FOXK2: variants seen among roughly 807,000 people sequenced by gnomAD.
FOXK2 encodes forkhead box protein K2.
FOXK2 carries 24 observed loss-of-function variants against 53.3 expected under a neutral mutation model. The observed-to-expected ratio is 0.45, with a 90% CI of 0.33 to 0.63. The LOEUF is 0.63. Ranked by LOEUF, FOXK2 falls within the 30% of genes least tolerant of loss-of-function variation. FOXK2 has a pLI of 0.03. For missense variants in FOXK2, 952 were observed against 910.5 expected, an observed-to-expected ratio of 1.05 and a Z score of -0.59; for synonymous variants, 505 against 407.1, an observed-to-expected ratio of 1.24 and a Z score of -2.89.
At chr17:82,587,382 C>A (rs756345562) in intron 8 of FOXK2, 110 bp downstream of exon 8, 1 of 839,258 alleles carries the variant, frequency 1.2e-6, no homozygotes, top group Non-Finnish European at 1.9e-6. Context: ...TTGTCTGAGG[C>A]AATGTTTGCA....
chr17:82,546,466 C>T (rs1306275389), intron 1 of FOXK2, among the ~76,000 whole-genome samples: 1 of 152,096 alleles, frequency 6.6e-6, no homozygotes, highest in Non-Finnish European at 1.5e-5. Context: ...ATGTTCACCT[C>T]TCGGTGCAGC....
Position 82,587,255 on chromosome 17 carries a change from A to G in FOXK2, c.1769A>G (p.His590Arg), listed in dbSNP as rs758335910. 1 of 1,612,850 alleles carries G rather than the reference A, an allele frequency of 6.2e-7. No individual in the cohort carries two copies. ...THVASVPTAV[H>R]GQVNNAAASP... ...GTGGCATCAGTCCCCACTGCGGTCC[A>G]CGGCCAGGTGAACAATGGTAAGACA... Residue 590 changes from histidine to arginine, a missense_variant, in exon 8 of 9, where the codon CAC becomes CGC. Physicochemically the swap from His to Arg is conservative, Grantham distance 29. Around this residue, in one of 5 missense-constraint regions of FOXK2, gnomAD observed 551 missense variants for 385.1 expected, o/e 1.43. Coordinates refer to ENST00000335255, the MANE Select transcript of FOXK2 (RefSeq NM_004514.4).
intron 8 of FOXK2, among the ~76,000 whole-genome samples, chr17:82,594,700 C>G (rs538092396): frequency 6.6e-6 from 1 of 152,130 alleles, no homozygotes; most frequent in Admixed American, 6.5e-5. Flanking sequence ...TAGGCAGCAG[C>G]GGAGCCCGTC....
chr17:82,557,279 G>A (rs569866006), intron 1 of FOXK2, among the ~76,000 whole-genome samples: 37 of 151,638 alleles, frequency 2.4e-4, no homozygotes, highest in African/African-American at 8.2e-4. Flanking sequence ...TGATCCTTCC[G>A]CCTCAGCCTC....
At chr17:82,524,018 C>T (rs2044393000) in intron 1 of FOXK2, among the ~76,000 whole-genome samples, 1 of 152,090 alleles carries the variant, frequency 6.6e-6, no homozygotes, top group Admixed American at 6.6e-5. Context: ...CCTCAGACTC[C>T]CCAGTAGCTG....
chr17:82,567,617 C>A (rs888776691), intron 2 of FOXK2, among the ~76,000 whole-genome samples: 2 of 152,200 alleles, frequency 1.3e-5, no homozygotes, highest in Admixed American at 1.3e-4. Context: ...CAGACCCCTC[C>A]CCTCCCCCAC....
chr17:82,564,128 C>T (rs1248850078), intron 2 of FOXK2, among the ~76,000 whole-genome samples: 3 of 147,810 alleles, frequency 2.0e-5, no homozygotes, highest in Non-Finnish European at 3.0e-5. Flanking sequence ...TGCACTGTTC[C>T]CCAGGCTGGA....
Position 82,541,795 on chromosome 17 carries a change from C to G in FOXK2, c.419+21488C>G, listed in dbSNP as rs187168364. 2.8e-4 allele frequency among the ~76,000 whole-genome samples: 43 copies of G among 151,734 alleles called. No individual in the cohort carries two copies. The East Asian group carries it at 4.5e-3, about 16-fold the overall frequency. On this transcript the variant is annotated intron_variant, in intron 1 of 8. Coordinates refer to ENST00000335255, the MANE Select transcript of FOXK2 (RefSeq NM_004514.4). ...GTGCGATCATGGCTCACTGCTCCCT[C>G]GAATTTCTGGGCTCAAGGGATCCTC...
chr17:82,566,117 A>T (rs1026486661), intron 2 of FOXK2, among the ~76,000 whole-genome samples: 1 of 152,036 alleles, frequency 6.6e-6, no homozygotes, highest in Non-Finnish European at 1.5e-5. Context: ...TCAGTTTGGG[A>T]AATGAGAACA....
intron 1 of FOXK2, among the ~76,000 whole-genome samples, chr17:82,523,111 C>G (rs2044382422): frequency 6.6e-6 from 1 of 152,078 alleles, no homozygotes; most frequent in Admixed American, 6.6e-5. Context: ...ACCTTTTGAA[C>G]AGTAGGAATG....
rs915797070 is a variant in FOXK2, at chr17:82,525,095, C to G, written c.419+4788C>G. On this transcript the variant is annotated intron_variant, in intron 1 of 8. Coordinates refer to ENST00000335255, the MANE Select transcript of FOXK2 (RefSeq NM_004514.4). ...GGTTCAAGTGATTATCCTGGCTCAG[C>G]CTCCCGAGTAGCTGGGATTACAGAT... Among the ~76,000 whole-genome samples the G allele has an allele frequency of 4.0e-5, 6 of 151,772 alleles. No homozygotes were observed. In the East Asian group the frequency reaches 9.7e-4, roughly 24 times the overall value.
chr17:82,585,849 T>G, intron 6 of FOXK2, 55 bp from the exon 7 acceptor site: 1 of 1,558,388 alleles, frequency 6.4e-7, no homozygotes, highest in Middle Eastern at 1.7e-4. Flanking sequence ...TGTGAGAACC[T>G]TTGTTTGTAG....
chr17:82,534,074 C>CAAAAAA (rs781376612), intron 1 of FOXK2, among the ~76,000 whole-genome samples: 6 of 127,302 alleles, frequency 4.7e-5, no homozygotes, highest in African/African-American at 1.4e-4. Flanking sequence ...GACACTGTCT[C>CAAAAAA]AAAAAAAAAA....
At chr17:82,587,584 G>C (rs373063158) in intron 8 of FOXK2, 4 of 416,960 alleles carry the variant, frequency 9.6e-6, no homozygotes, top group South Asian at 6.6e-5. Flanking sequence ...GAGCCGCCGC[G>C]TGTCTTTTCC....
intron 1 of FOXK2, among the ~76,000 whole-genome samples, chr17:82,551,171 G>T (rs888677457): frequency 7.9e-5 from 12 of 151,724 alleles, no homozygotes; most frequent in African/African-American, 2.9e-4. Flanking sequence ...CAAAAAATTA[G>T]CCGGGCGTGG....
intron 4 of FOXK2, chr17:82,577,183 A>G (rs1226691940): frequency 9.9e-7 from 1 of 1,007,770 alleles, no homozygotes; most frequent in Non-Finnish European, 1.5e-6. Flanking sequence ...AAAGAAAAAA[A>G]GAAATGTATT....
chr17:82,602,756 C>G lies in FOXK2; in HGVS notation c.*1257C>G, dbSNP rs1386957517. 2 of 152,276 alleles carry G rather than the reference C, an allele frequency of 1.3e-5. No individual in the cohort carries two copies. Among genetic ancestry groups the G allele is most frequent in the East Asian group, 1.9e-4 (1 of 5,194 alleles). 9.4% of individuals were successfully genotyped at this position (152,276 alleles called of 1,614,324 possible). A position where few individuals can be genotyped will look rare whatever the true frequency, so the allele number is the denominator to read the frequency against. On this transcript the variant is annotated 3_prime_UTR_variant, in exon 9 of 9. Coordinates refer to ENST00000335255, the MANE Select transcript of FOXK2 (RefSeq NM_004514.4). ...TGAGAGTGGGAGGTCCCTGCACCTC[C>G]TCGCCCGGCTCCTCAGGAAGAAAAC...
intron 8 of FOXK2, among the ~76,000 whole-genome samples, chr17:82,596,754 G>A (rs1216169501): frequency 1.3e-5 from 2 of 152,204 alleles, no homozygotes; most frequent in Non-Finnish European, 2.9e-5. Context: ...AGAGTGTGTG[G>A]CAGAGCTGGC....
intron 8 of FOXK2, among the ~76,000 whole-genome samples, chr17:82,589,283 C>T (rs1341646929): frequency 1.3e-5 from 2 of 152,206 alleles, no homozygotes; most frequent in Non-Finnish European, 2.9e-5. Flanking sequence ...CCCAGATCCT[C>T]CCTTGTCTGT....
Sources: allele counts gnomAD v4.1 joint callset (sites outside exome capture counted in the v4.1 genomes callset), GRCh38; gene constraint gnomAD v4.1.1; regional missense constraint gnomAD v4.1.1; transcripts MANE v1.5; gene names NCBI Gene and HGNC (gene_info 2026-07-23, HGNC 2026-07-21).